Variants in NOS3 observed in about 807,000 individuals in gnomAD.
NOS3 encodes the protein nitric oxide synthase 3.
NOS3 carries 98 observed loss-of-function variants against 144.9 expected under a neutral mutation model. That is an observed-to-expected ratio of 0.68 (90% CI 0.57 to 0.80). NOS3 has a LOEUF of 0.80. NOS3 is among the 30% of genes least tolerant of loss of function. The pLI is 0.00. For missense variants in NOS3, 1,465 were observed against 1,656.4 expected, an observed-to-expected ratio of 0.88 and a Z score of 2.01; for synonymous variants, 714 against 702.4, an observed-to-expected ratio of 1.02 and a Z score of -0.26.
At chr7:151,013,448 C>T (rs1228802048) in intron 25 of NOS3, 69 bp downstream of exon 25, 12 of 1,526,936 alleles carry the variant, frequency 7.9e-6, no homozygotes, top group Non-Finnish European at 9.7e-6. Flanking sequence ...CGCTCTCCAG[C>T]GGGGCACACC....
Position 151,000,557 on chromosome 7 carries a change from G to A in NOS3, c.1191G>A (p.Lys397=), listed in dbSNP as rs1356281641. 1 of 1,613,524 alleles carries A rather than the reference G, an allele frequency of 6.2e-7. No homozygotes were observed. The highest frequency in any genetic ancestry group is 1.3e-5 in the African/African-American group (1 of 74,930). Residue 397 remains lysine, a synonymous_variant, in exon 10 of 27, where the codon AAG becomes AAA. Coordinates refer to ENST00000297494, the MANE Select transcript of NOS3 (RefSeq NM_000603.5). ...CCACCTCGTCCCTGTGGAAAGACAA[G>A]GCAGCAGTGGAAATCAACGTGGCCG... ...TRTTSSLWKD[K]AAVEINVAVL... is the part of the protein sequence containing the mutation.
intron 23 of NOS3, chr7:151,011,679 C>T (rs1024541644): frequency 8.4e-6 from 2 of 239,460 alleles, no homozygotes; most frequent in Admixed American, 5.7e-5. Context: ...GCACCCACCA[C>T]CACGCCCAGC....
rs888255926 is a variant in NOS3 at position 151,006,956 on chromosome 7, A to T, written c.1888A>T (p.Arg630Trp). ...DPLVSSWRRKRKESSNTDSAG... is the reference protein window; with the variant it reads ...DPLVSSWRRKWKESSNTDSAG... Reference sequence around the variant, plus strand: ...ACTGGTGTCCTCTTGGCGGCGGAAGAGGAAGGAGTCCAGTAACACAGACAG... The same window carrying T: ...ACTGGTGTCCTCTTGGCGGCGGAAGTGGAAGGAGTCCAGTAACACAGACAG... The change falls in exon 16 of 27, where the codon AGG (arginine) becomes TGG (tryptophan). Residue 630 changes from arginine (R) to tryptophan (W), a missense_variant. By Grantham distance (101) the Arg-to-Trp change is moderately radical. Around this residue, in one of 5 missense-constraint regions of NOS3, gnomAD observed 745 missense variants for 853.9 expected, o/e 0.87. Coordinates refer to ENST00000297494, the MANE Select transcript of NOS3 (RefSeq NM_000603.5). The T allele has an allele frequency of 3.7e-6, 6 of 1,614,038 alleles. No individual in the cohort carries two copies. In the African/African-American group the frequency reaches 6.7e-5, roughly 18 times the overall value.
intron 2 of NOS3, among the ~76,000 whole-genome samples, 176 bp downstream of exon 2, chr7:150,994,137 G>C (rs1403220498): frequency 1.3e-5 from 2 of 152,222 alleles, no homozygotes; most frequent in Non-Finnish European, 2.9e-5. Context: ...AGGAGACCAG[G>C]ATCAGAGTCG....
At position 151,010,270 on chromosome 7, in the gene NOS3, C is replaced by G; in HGVS notation, c.2668C>G (p.Leu890Val). The change falls in exon 21 of 27, where the codon CTG becomes GTG. Residue 890 changes from leucine (L) to valine (V), a missense_variant. By Grantham distance (32) the Leu-to-Val change is conservative (BLOSUM62 1). Around this residue, in one of 5 missense-constraint regions of NOS3, gnomAD observed 745 missense variants for 853.9 expected, o/e 0.87. Coordinates refer to ENST00000297494, the MANE Select transcript of NOS3 (RefSeq NM_000603.5). ...LAEEPREQQE[L>V]EALSQDPRRY... ...AGAAGAGCCCAGGGAACAGCAGGAGCTGGAGGCCCTCAGCCAGGTTGGGGG... is the reference window on the plus strand; with the variant it reads ...AGAAGAGCCCAGGGAACAGCAGGAGGTGGAGGCCCTCAGCCAGGTTGGGGG... The G allele has an allele frequency of 6.2e-7, 1 of 1,612,746 alleles. No homozygotes were observed. Among genetic ancestry groups the G allele is most frequent in the South Asian group, 1.1e-5 (1 of 90,968 alleles).
chr7:151,010,164 G>A lies in NOS3; in HGVS notation c.2562G>A (p.Thr854=), dbSNP rs779140609. 1.2e-5 allele frequency: 19 copies of A among 1,610,688 alleles called. No homozygotes were observed. Among genetic ancestry groups the A allele is most frequent in the East Asian group, 6.7e-5 (3 of 44,890 alleles). ...WVRDPRLPPC[T]LRQALTFFLD... is the part of the protein sequence containing the mutation. ...GGGACCCCCGGCTGCCCCCGTGCAC[G>A]CTGCGCCAGGCTCTCACCTTCTTCC... Residue 854 remains threonine, a synonymous_variant, in exon 21 of 27, where the codon ACG becomes ACA. Transcript: ENST00000297494.
intron 11 of NOS3, 59 bp downstream of exon 11, chr7:151,001,484 G>A (rs1795096533): frequency 2.5e-6 from 4 of 1,605,578 alleles, no homozygotes; most frequent in East Asian, 2.2e-5. Context: ...AGCAGCCCCT[G>A]GGGACCTCTA....
chr7:150,999,052 A>T lies in NOS3; in HGVS notation c.923A>T (p.Glu308Val), dbSNP rs776337411. ...CCAGAACTCTTCCTTCTGCCCCCCG[A>T]GCTGGTCCTTGAGGTGCCCCTGGAG... ...DPPELFLLPPELVLEVPLEHP... is the reference protein window; with the variant it reads ...DPPELFLLPPVLVLEVPLEHP... Residue 308 changes from glutamate to valine, a missense_variant, in exon 8 of 27, where the codon GAG becomes GTG. Around this residue, in one of 5 missense-constraint regions of NOS3, gnomAD observed 745 missense variants for 853.9 expected, o/e 0.87. Transcript: ENST00000297494. The T allele has an allele frequency of 2.5e-6, 4 of 1,612,206 alleles. No homozygotes were observed. The South Asian group carries it at 3.3e-5, about 13-fold the overall frequency.
rs981239485 is a variant in NOS3 at position 151,002,367 on chromosome 7, G to T, written c.1752+63G>T. 1.4e-6 allele frequency: 1 copy of T among 695,342 alleles called. No individual in the cohort carries two copies. The highest frequency in any genetic ancestry group is 2.5e-6 in the Non-Finnish European group (1 of 401,578). 43.1% of individuals were successfully genotyped at this position (695,342 alleles called of 1,614,324 possible). On this transcript the variant is annotated intron_variant, in intron 14 of 26. Transcript: ENST00000297494. The surrounding 1 kb of genome is among the most constrained non-coding windows in gnomAD (Gnocchi z 4.1). ...AGAGACTCAGAATTGGAGTGACTGG[G>T]CAGGAACCTCTGCCCAACACACACA...
intron 2 of NOS3, 21 bp from the exon 3 acceptor site, chr7:150,995,182 C>G (rs1462893316): frequency 7.1e-7 from 1 of 1,416,506 alleles, no homozygotes; most frequent in Non-Finnish European, 1.0e-6. Flanking sequence ...TCCTGATGAC[C>G]CTATCCCTGG....
At chr7:151,005,373 CT>C (rs1480245976) in intron 14 of NOS3, among the ~76,000 whole-genome samples, 1 of 152,186 alleles carries the variant, frequency 6.6e-6, no homozygotes, top group Non-Finnish European at 1.5e-5. Flanking sequence ...TTCCTTCCCC[CT>C]GGGAGGTCCG....
intron 17 of NOS3, 62 bp from the exon 18 acceptor site, chr7:151,008,868 C>A (rs1047870160): frequency 2.0e-6 from 3 of 1,518,886 alleles, no homozygotes; most frequent in Non-Finnish European, 2.7e-6. Flanking sequence ...GCCGCCCAGG[C>A]GCCTCACTAG....
intron 2 of NOS3, 146 bp downstream of exon 2, chr7:150,994,107 A>AC: frequency 1.1e-6 from 1 of 891,542 alleles, no homozygotes; most frequent in South Asian, 1.6e-5. Context: ...ATAGAACAGG[A>AC]CAGTCTGGGA....
Position 150,996,484 on chromosome 7 carries a change from C to A in NOS3, c.351C>A (p.Pro117=). ...RKLQGRPSPG[P]PAPEQLLSQA... is the part of the protein sequence containing the mutation. Reference sequence around the variant, plus strand: ...TACAGGGCCGGCCCTCCCCCGGCCCCCCGGCCCCTGAGCAGCTGCTGAGTC... The same window carrying A: ...TACAGGGCCGGCCCTCCCCCGGCCCACCGGCCCCTGAGCAGCTGCTGAGTC... The change falls in exon 4 of 27, where the codon CCC becomes CCA. Residue 117 remains proline, a synonymous_variant. Transcript: ENST00000297494. The A allele has an allele frequency of 1.2e-6, 2 of 1,601,994 alleles. No homozygotes were observed. The highest frequency in any genetic ancestry group is 1.7e-6 in the Non-Finnish European group (2 of 1,175,540).
intron 17 of NOS3, 80 bp downstream of exon 17, chr7:151,007,356 G>A (rs1022568064): frequency 7.0e-7 from 1 of 1,422,422 alleles, no homozygotes; most frequent in Non-Finnish European, 9.3e-7. Flanking sequence ...GATTCTGTTT[G>A]GTTCTTTGGT....
In NOS3 at chr7:151,003,720, T is replaced by A. The variant is rs983474352; in HGVS notation, c.1752+1416T>A. 1 of 501,066 alleles carries A rather than the reference T, an allele frequency of 2.0e-6. No individual in the cohort carries two copies. The highest frequency in any genetic ancestry group is 2.0e-5 in the African/African-American group (1 of 50,540). 31.0% of individuals were successfully genotyped at this position (501,066 alleles called of 1,614,324 possible). On this transcript the variant is annotated intron_variant, in intron 14 of 26. Transcript: ENST00000297494. The surrounding 1 kb of genome is among the most constrained non-coding windows in gnomAD (Gnocchi z 4.1). ...GTTTCGCCTGCTCTAGAACGGCACC[T>A]AGATGGAAGCACGCAGTGTTGCGGC... is the stretch of plus-strand genomic sequence containing the variant.
intron 24 of NOS3, chr7:151,012,912 T>C (rs759042203): frequency 5.0e-6 from 2 of 401,984 alleles, no homozygotes; most frequent in Non-Finnish European, 4.5e-6. Flanking sequence ...TATGGGAGAA[T>C]ATGAAGTGGG....
At position 151,014,051 on chromosome 7, in the gene NOS3, G is replaced by A. The variant is rs1218814111; in HGVS notation, c.3494G>A (p.Arg1165His). ...GAAGACATTTTCGGGCTCACGCTGCGCACCCAGGAGGTGACAAGCCGCATA... is the reference window on the plus strand; with the variant it reads ...GAAGACATTTTCGGGCTCACGCTGCACACCCAGGAGGTGACAAGCCGCATA... ...YHEDIFGLTL[R>H]TQEVTSRIRT... The change falls in exon 27 of 27, where the codon CGC becomes CAC. Residue 1165 changes from arginine (R) to histidine (H), a missense_variant. Arg to His is a conservative substitution (Grantham distance 29, BLOSUM62 0). Transcript: ENST00000297494. 2 of 1,613,590 alleles carry A rather than the reference G, an allele frequency of 1.2e-6. No homozygotes were observed. Among genetic ancestry groups the A allele is most frequent in the Non-Finnish European group, 1.7e-6 (2 of 1,179,770 alleles).
At position 151,003,611 on chromosome 7, in the gene NOS3, C is replaced by T; in HGVS notation, c.1752+1307C>T. ...CACAAGGCATAGCACATTTTCACCA[C>T]CCTGGAAAGTTCCCTCATCAGTTCC... On this transcript the variant is annotated intron_variant, in intron 14 of 26. Coordinates refer to ENST00000297494, the MANE Select transcript of NOS3 (RefSeq NM_000603.5). This position sits in a 1 kb window ranked among gnomAD's most constrained non-coding sequence, Gnocchi z 4.1. 8.5e-7 allele frequency: 1 copy of T among 1,170,420 alleles called. No individual in the cohort carries two copies. 72.5% of individuals were successfully genotyped at this position (1,170,420 alleles called of 1,614,324 possible).
Sources: gnomAD v4.1 joint callset for allele counts (sites outside exome capture counted in the v4.1 genomes callset) on GRCh38, gnomAD v4.1.1 for gene constraint, gnomAD v4.1.1 regional missense constraint, Gnocchi (gnomAD v3.1) non-coding constraint, MANE v1.5 for transcripts, NCBI Gene and HGNC (gene_info 2026-07-23, HGNC 2026-07-21) for gene names.